Variants in RALGAPA1 observed in about 807,000 individuals in gnomAD.
RALGAPA1 encodes Ral GTPase activating protein catalytic subunit alpha 1, also known as ral GTPase-activating protein subunit alpha-1.
Under a neutral mutation model 269.6 loss-of-function variants are expected in RALGAPA1, and 52 were observed. The ratio of observed to expected loss-of-function variants is 0.19; its 90% CI spans 0.15 to 0.24. The LOEUF is 0.24. Among genes scored for constraint, RALGAPA1 ranks in the 10% least tolerant of loss-of-function variants. The probability of loss-of-function intolerance (pLI) is 1.00; values close to 1 mark genes in which losing one functional copy is unlikely to be tolerated. For missense variants in RALGAPA1, 1,917 were observed against 3,013.9 expected (o/e 0.64, Z 8.52); for synonymous variants, 817 against 1,008.3 (o/e 0.81, Z 3.60).
chr14:35,776,661 G>T lies in RALGAPA1; in HGVS notation c.107-916C>A, dbSNP rs1261726924. ...CAAAGCTCAATAAAGCACAAAGGTG[G>T]GGAAAGAAAAAAGGCCTGACAGAGT... On this transcript the variant is annotated intron_variant, in intron 1 of 41. Transcript: ENST00000680220. 2.6e-5 allele frequency among the ~76,000 whole-genome samples: 4 copies of T among 151,996 alleles called. No individual in the cohort carries two copies. In the East Asian group the frequency reaches 7.7e-4, roughly 29 times the overall value.
intron 36 of RALGAPA1, among the ~76,000 whole-genome samples, chr14:35,604,421 A>G (rs1376675949): frequency 1.3e-5 from 2 of 152,070 alleles, no homozygotes; most frequent in Non-Finnish European, 2.9e-5. Flanking sequence ...ATTTATAAAT[A>G]AGCTATGTAT....
intron 1 of RALGAPA1, among the ~76,000 whole-genome samples, chr14:35,776,531 G>T (rs2075040759): frequency 6.6e-6 from 1 of 152,148 alleles, no homozygotes; most frequent in African/African-American, 2.4e-5. Context: ...GTCAGTAAGA[G>T]CAGGGCATGC....
rs559261877 is a variant in RALGAPA1, at chr14:35,729,400, G to C, written c.1588-890C>G. On this transcript the variant is annotated intron_variant, in intron 12 of 41. Coordinates refer to ENST00000680220, the MANE Select transcript of RALGAPA1 (RefSeq NM_001346249.2). ...AATAAAAAAGAGCATTTATAAAAAA[G>C]TATAAAAAAAAGTATATACATAGTA... is the stretch of plus-strand genomic sequence containing the variant. Among the ~76,000 whole-genome samples the C allele has an allele frequency of 7.2e-5, 11 of 151,976 alleles. No homozygotes were observed. The South Asian group carries it at 2.3e-3, about 32-fold the overall frequency.
At chr14:35,697,039 T>G (rs185670340) in intron 17 of RALGAPA1, among the ~76,000 whole-genome samples, 55 of 152,302 alleles carry the variant, frequency 3.6e-4, no homozygotes, top group African/African-American at 1.3e-3. Flanking sequence ...TTTTTACAAC[T>G]CTCTATTCTT....
intron 1 of RALGAPA1, among the ~76,000 whole-genome samples, chr14:35,790,083 T>A (rs139930527): frequency 6.6e-6 from 1 of 151,812 alleles, no homozygotes; most frequent in East Asian, 1.9e-4. Flanking sequence ...TGAAACCCCA[T>A]CTCTACTAAA....
chr14:35,581,775 T>C (rs2057967908), intron 37 of RALGAPA1, among the ~76,000 whole-genome samples: 10 of 152,164 alleles, frequency 6.6e-5, no homozygotes, highest in Admixed American at 5.2e-4. Flanking sequence ...CCCTTAAGCA[T>C]TCCTGGTGGA....
chr14:35,716,265 C>T (rs1015483621), intron 16 of RALGAPA1: 4 of 164,468 alleles, frequency 2.4e-5, no homozygotes, highest in Admixed American at 6.6e-5. Context: ...TGGTGGTGTG[C>T]GCCTATAGTC....
chr14:35,762,878 T>A (rs1170808281), intron 4 of RALGAPA1, 125 bp from the exon 5 acceptor site: 2 of 631,890 alleles, frequency 3.2e-6, no homozygotes, highest in Non-Finnish European at 5.7e-6. Flanking sequence ...CTTGGTGACC[T>A]TTATATCCTT....
chr14:35,623,802 G>A (rs780240921), intron 35 of RALGAPA1, among the ~76,000 whole-genome samples: 9 of 152,132 alleles, frequency 5.9e-5, no homozygotes. Flanking sequence ...TTTTTAGGCC[G>A]GGCGCGGTGG....
At chr14:35,720,702 G>A (rs2069326723) in intron 16 of RALGAPA1, among the ~76,000 whole-genome samples, 1 of 152,188 alleles carries the variant, frequency 6.6e-6, no homozygotes, top group Admixed American at 6.5e-5. Context: ...CAAAGTGGGA[G>A]GACTGCTTAA....
At chr14:35,560,362 C>A (rs759598488) in intron 39 of RALGAPA1, among the ~76,000 whole-genome samples, 10 of 152,138 alleles carry the variant, frequency 6.6e-5, no homozygotes, top group Non-Finnish European at 1.5e-4. Context: ...TTGACCATAT[C>A]ACATTTTTAT....
At position 35,750,467 on chromosome 14, in the gene RALGAPA1, T is replaced by G; in HGVS notation, c.1011+15A>C. The G allele has an allele frequency of 6.2e-7, 1 of 1,607,256 alleles. No individual in the cohort carries two copies. The highest frequency in any genetic ancestry group is 1.1e-5 in the South Asian group (1 of 90,790). On this transcript the variant is annotated intron_variant, in intron 9 of 41. Transcript: ENST00000680220. ...CATTTCTAACTTTAACAGGCCTGCC[T>G]CATTTGTGCATTACCTGAATATTCT...
At chr14:35,806,677 G>A (rs2077406926) in intron 1 of RALGAPA1, among the ~76,000 whole-genome samples, 2 of 151,954 alleles carry the variant, frequency 1.3e-5, no homozygotes, top group Non-Finnish European at 2.9e-5. Flanking sequence ...ATGAACTATG[G>A]GACCAAACAA....
At chr14:35,662,650 T>C (rs1388680644) in intron 27 of RALGAPA1, among the ~76,000 whole-genome samples, 2 of 152,134 alleles carry the variant, frequency 1.3e-5, no homozygotes, top group Non-Finnish European at 2.9e-5. Flanking sequence ...ATGCGGATAG[T>C]ATATAGTAGG....
intron 20 of RALGAPA1, 115 bp from the exon 21 acceptor site, chr14:35,684,100 T>G (rs2065710271): frequency 2.8e-6 from 2 of 721,496 alleles, no homozygotes; most frequent in East Asian, 5.4e-5. Context: ...CTATTCTGTT[T>G]ACATATCACT....
intron 24 of RALGAPA1, among the ~76,000 whole-genome samples, 173 bp downstream of exon 24, chr14:35,674,007 G>A (rs1341433617): frequency 2.0e-5 from 3 of 152,068 alleles, no homozygotes; most frequent in Non-Finnish European, 2.9e-5. Context: ...AATAAATCCC[G>A]AGTAATTTTA....
intron 39 of RALGAPA1, among the ~76,000 whole-genome samples, chr14:35,556,508 A>G (rs2055621531): frequency 6.6e-6 from 1 of 152,182 alleles, no homozygotes; most frequent in South Asian, 2.1e-4. Flanking sequence ...TGTTATTAAT[A>G]TTGCTTATAC....
chr14:35,650,239 GC>G (rs2062727871), intron 31 of RALGAPA1, among the ~76,000 whole-genome samples: 1 of 151,384 alleles, frequency 6.6e-6, no homozygotes, highest in African/African-American at 2.4e-5. Context: ...TAAAAAATTA[GC>G]CAGGCATGGT....
chr14:35,573,732 C>T (rs1430783643), intron 37 of RALGAPA1, among the ~76,000 whole-genome samples: 3 of 152,154 alleles, frequency 2.0e-5, no homozygotes, highest in African/African-American at 7.2e-5. Context: ...TCCTTATATG[C>T]ATACACAAGT....
Sources: allele counts gnomAD v4.1 joint callset (sites outside exome capture counted in the v4.1 genomes callset), GRCh38; gene constraint gnomAD v4.1.1; transcripts MANE v1.5; gene names NCBI Gene and HGNC (gene_info 2026-07-23, HGNC 2026-07-21).